Variants in PLA2G6 observed in about 807,000 individuals in gnomAD.
PLA2G6 encodes the protein phospholipase A2 group VI.
A neutral mutation model predicts 83.8 loss-of-function variants in PLA2G6; 62 were observed. The ratio of observed to expected loss-of-function variants is 0.74; its 90% confidence interval spans 0.60 to 0.91. The LOEUF is 0.91. PLA2G6 is among the 40% of genes least tolerant of loss of function. PLA2G6 has a pLI of 0.00. For synonymous variants in PLA2G6, 417 were observed against 449.8 expected (o/e 0.93, Z 0.92); for missense variants, 944 against 1,102.0 (o/e 0.86, Z 2.03).
At chr22:38,117,230 G>A (rs1459643330) in intron 12 of PLA2G6, among the ~76,000 whole-genome samples, 2 of 152,074 alleles carry the variant, frequency 1.3e-5, no homozygotes, top group Admixed American at 6.6e-5. Context: ...TTTTTGAGAC[G>A]GAGTCTCACT....
At chr22:38,134,964 C>T (rs371663488) in intron 6 of PLA2G6, 24 bp downstream of exon 6, 3 of 1,283,254 alleles carry the variant, frequency 2.3e-6, no homozygotes, top group East Asian at 2.3e-5. Context: ...CCTGCCCCAC[C>T]CACCCACCTC....
intron 9 of PLA2G6, among the ~76,000 whole-genome samples, chr22:38,127,885 A>G (rs904356564): frequency 7.2e-5 from 11 of 152,198 alleles, no homozygotes; most frequent in African/African-American, 2.4e-4. Context: ...GATAGAGGTG[A>G]AGCCAGAGGG....
chr22:38,140,307 A>G (rs1361058219), intron 4 of PLA2G6, 138 bp from the exon 5 acceptor site: 14 of 738,304 alleles, frequency 1.9e-5, no homozygotes, highest in Non-Finnish European at 3.1e-5. Context: ...CAAGAGTTTG[A>G]GACCAGCCTG....
chr22:38,153,160 G>A (rs745462067), intron 2 of PLA2G6, among the ~76,000 whole-genome samples: 1 of 152,204 alleles, frequency 6.6e-6, no homozygotes, highest in Non-Finnish European at 1.5e-5. Context: ...GGCTGGGCGC[G>A]GTGGCTCATG....
At chr22:38,148,607 G>C in intron 2 of PLA2G6, 2 of 714,076 alleles carry the variant, frequency 2.8e-6, no homozygotes, top group South Asian at 3.0e-5. Flanking sequence ...AGGACACAGG[G>C]ACTGGAGCCC....
At chr22:38,126,571 C>T in intron 9 of PLA2G6, 122 bp from the exon 10 acceptor site, 1 of 718,712 alleles carries the variant, frequency 1.4e-6, no homozygotes, top group Non-Finnish European at 2.5e-6. Flanking sequence ...TCCCCCCACT[C>T]CCCCTGTCAT....
chr22:38,145,962 T>G, intron 2 of PLA2G6: 1 of 378,518 alleles, frequency 2.6e-6, no homozygotes, highest in Non-Finnish European at 5.1e-6. Flanking sequence ...CATCTTCGAA[T>G]TCCTGGGCTG....
chr22:38,148,390 G>C (rs1178078713), intron 2 of PLA2G6: 1 of 658,642 alleles, frequency 1.5e-6, no homozygotes, highest in Non-Finnish European at 2.7e-6. Context: ...ACTAGGGAAT[G>C]TGAAACAGAC....
intron 11 of PLA2G6, among the ~76,000 whole-genome samples, chr22:38,122,806 G>A (rs1052218690): frequency 6.6e-6 from 1 of 152,160 alleles, no homozygotes; most frequent in African/African-American, 2.4e-5. Flanking sequence ...AGGGGAGGAG[G>A]GGTTAAGGCA....
Position 38,135,089 on chromosome 22 carries a change from T to C in PLA2G6, c.798-5A>G. On this transcript the variant is annotated splice_region_variant and splice_polypyrimidine_tract_variant and intron_variant, in intron 5 of 16. Coordinates refer to ENST00000332509, the MANE Select transcript of PLA2G6 (RefSeq NM_003560.4). ...CTGATGATCATCTCCGCACACCTGG[T>C]GAGAGAGGGGCCCCGGTTGGTGAGC... 1 of 1,610,456 alleles carries C rather than the reference T, an allele frequency of 6.2e-7. No homozygotes were observed. Among genetic ancestry groups the C allele is most frequent in the South Asian group, 1.1e-5 (1 of 91,004 alleles).
chr22:38,142,617 A>C (rs1435951240), intron 4 of PLA2G6: 1 of 215,674 alleles, frequency 4.6e-6, no homozygotes, highest in Non-Finnish European at 9.4e-6. Context: ...GATCTAAAAA[A>C]AAGGTCCATG....
intron 2 of PLA2G6, chr22:38,147,644 GATTCTCCTGCA>G (rs761205486): frequency 6.5e-6 from 1 of 154,516 alleles, no homozygotes; most frequent in Non-Finnish European, 1.5e-5. Flanking sequence ...GGGTTCAAGT[GATTCTCCTGCA>G]ATTCTCCTGC....
intron 5 of PLA2G6, 72 bp downstream of exon 5, chr22:38,139,910 T>G: frequency 1.6e-6 from 2 of 1,270,266 alleles, no homozygotes; most frequent in Non-Finnish European, 2.2e-6. Context: ...ACTGCTTGCC[T>G]CAGGCACGGG....
At chr22:38,135,561 A>ACCG in intron 5 of PLA2G6, 1 of 161,914 alleles carries the variant, frequency 6.2e-6, no homozygotes. Context: ...CAGAGTGGGA[A>ACCG]AGAGCACAAT....
chr22:38,154,906 A>G (rs1425088951), intron 2 of PLA2G6, among the ~76,000 whole-genome samples: 2 of 152,238 alleles, frequency 1.3e-5, no homozygotes, highest in Non-Finnish European at 2.9e-5. Context: ...TAACAGATAA[A>G]CTTAGCAAAG....
chr22:38,174,286 T>C lies in PLA2G6; in HGVS notation c.-45-4815A>G, dbSNP rs371114065. The stretch of plus-strand genomic sequence containing the variant: ...GGTGGCGGGTGCCTGTAGTCCCAGC[T>C]ATTCGGGAGGCTGAGGCAGGAGAAT... On this transcript the variant is annotated intron_variant, in intron 1 of 16. Coordinates refer to ENST00000332509, the MANE Select transcript of PLA2G6 (RefSeq NM_003560.4). Among the ~76,000 whole-genome samples, 73 of 151,838 alleles carry C rather than the reference T, an allele frequency of 4.8e-4. 3 individuals are homozygous for C. The South Asian group carries it at 9.8e-3, about 20-fold the overall frequency.
chr22:38,175,506 G>A (rs1030375987), intron 1 of PLA2G6, among the ~76,000 whole-genome samples: 1 of 152,126 alleles, frequency 6.6e-6, no homozygotes, highest in Non-Finnish European at 1.5e-5. Context: ...CCCAGAACAC[G>A]TCAAACTCGT....
intron 4 of PLA2G6, chr22:38,140,520 C>T (rs974392211): frequency 2.5e-5 from 7 of 279,426 alleles, no homozygotes; most frequent in Admixed American, 9.5e-5. Context: ...AAAAAAAGAA[C>T]GTAAAGAGAA....
chr22:38,143,505 A>C, intron 3 of PLA2G6: 1 of 639,044 alleles, frequency 1.6e-6, no homozygotes, highest in Admixed American at 2.1e-5. Flanking sequence ...GCTCACTCGT[A>C]CAAGAGATGG....
Sources: gnomAD v4.1 joint callset for allele counts (sites outside exome capture counted in the v4.1 genomes callset) on GRCh38, gnomAD v4.1.1 for gene constraint, MANE v1.5 for transcripts, NCBI Gene and HGNC (gene_info 2026-07-23, HGNC 2026-07-21) for gene names.